Variants in AFAP1L2 observed in about 807,000 individuals in gnomAD.
The protein encoded by AFAP1L2 is actin filament-associated protein 1-like 2.
In AFAP1L2, 46 loss-of-function variants were observed where a neutral mutation model predicts 99.3. The observed-to-expected ratio is 0.46, with a 90% CI of 0.37 to 0.59. The LOEUF (loss-of-function observed/expected upper bound fraction) is 0.59, where lower values mean the gene tolerates loss of function less well. Ranked by LOEUF, AFAP1L2 falls within the 20% of genes least tolerant of loss-of-function variation. AFAP1L2 has a pLI of 0.00. For missense variants in AFAP1L2, 959 were observed against 1,034.9 expected, an observed-to-expected ratio of 0.93 and a Z score of 1.01; for synonymous variants, 397 against 419.1, an observed-to-expected ratio of 0.95 and a Z score of 0.64.
At chr10:114,366,612 G>A (rs1346424833) in intron 1 of AFAP1L2, among the ~76,000 whole-genome samples, 1 of 152,206 alleles carries the variant, frequency 6.6e-6, no homozygotes, top group East Asian at 1.9e-4. Flanking sequence ...ATTCTTATCT[G>A]ATAAGAAGAA....
At chr10:114,360,521 A>ATAGATAGATAGT (rs1554937765) in intron 1 of AFAP1L2, among the ~76,000 whole-genome samples, 77 of 145,894 alleles carry the variant, frequency 5.3e-4, no homozygotes, top group East Asian at 1.6e-3. Context: ...AGATAGATAG[A>ATAGATAGATAGT]TAGATAGATA....
chr10:114,330,474 T>A (rs1468716252), intron 4 of AFAP1L2, among the ~76,000 whole-genome samples: 1 of 152,204 alleles, frequency 6.6e-6, no homozygotes, highest in East Asian at 1.9e-4. Flanking sequence ...CTGTGTGACA[T>A]TAGGTTTCCT....
At chr10:114,372,938 C>T (rs1285931263) in intron 1 of AFAP1L2, among the ~76,000 whole-genome samples, 1 of 152,256 alleles carries the variant, frequency 6.6e-6, no homozygotes, top group African/African-American at 2.4e-5. Context: ...TTGGAGGCAA[C>T]AGACAGCTGT....
At chr10:114,380,055 T>C (rs2055401198) in intron 1 of AFAP1L2, among the ~76,000 whole-genome samples, 2 of 152,234 alleles carry the variant, frequency 1.3e-5, no homozygotes, top group Admixed American at 6.5e-5. Flanking sequence ...GAAGAGAATA[T>C]AGCCAAAGTC....
the AFAP1L2 span, among the ~76,000 whole-genome samples, chr10:114,287,755 A>G: frequency 6.6e-6 from 1 of 152,216 alleles, no homozygotes; most frequent in Non-Finnish European, 1.5e-5. Flanking sequence ...AGAGTTCCCT[A>G]TACCCCACAC....
intron 1 of AFAP1L2, among the ~76,000 whole-genome samples, chr10:114,380,823 T>C (rs2055511061): frequency 6.6e-6 from 1 of 152,266 alleles, no homozygotes; most frequent in South Asian, 2.1e-4. Context: ...GGAAGAATTT[T>C]AGGTGGTTCA....
intron 11 of AFAP1L2, 39 bp from the exon 12 acceptor site, chr10:114,302,523 A>AGTGCTGCCTGGTGCCAGCCC: frequency 6.2e-7 from 1 of 1,611,846 alleles, no homozygotes; most frequent in Non-Finnish European, 8.5e-7. Context: ...AGGGCCAGGC[A>AGTGCTGCCTGGTGCCAGCCC]GTGCTGCCTG....
chr10:114,359,458 T>C (rs1250507854), intron 1 of AFAP1L2, among the ~76,000 whole-genome samples: 1 of 152,194 alleles, frequency 6.6e-6, no homozygotes. Flanking sequence ...CGAAGGAGGC[T>C]GAAGGAACAT....
At chr10:114,364,443 G>A (rs2052908570) in intron 1 of AFAP1L2, among the ~76,000 whole-genome samples, 3 of 152,150 alleles carry the variant, frequency 2.0e-5, no homozygotes, top group African/African-American at 7.2e-5. Context: ...CCTGGAGTTT[G>A]CTGGTCATCC....
At chr10:114,379,049 A>G (rs988165421) in intron 1 of AFAP1L2, among the ~76,000 whole-genome samples, 1 of 113,492 alleles carries the variant, frequency 8.8e-6, no homozygotes, top group African/African-American at 2.6e-5. Flanking sequence ...CGTCCCTACT[A>G]AAAATACAAA....
In AFAP1L2 at chr10:114,377,384, C is replaced by G. The variant is rs112986003; in HGVS notation, c.16+27056G>C. ...GAAACTAGATGACTTTGGGTCAAGT[C>G]TGATCAAAGACAGTGAGGTGCTTCT... is the stretch of plus-strand genomic sequence containing the variant. On this transcript the variant is annotated intron_variant, in intron 1 of 18. Transcript: ENST00000304129. The surrounding 1 kb of genome is among the most constrained non-coding windows in gnomAD (Gnocchi z 4.0). Among the ~76,000 whole-genome samples, 1,853 of 152,314 alleles carry G rather than the reference C, an allele frequency of 0.012. 47 individuals are homozygous for G. The highest frequency in any genetic ancestry group is 0.042 in the African/African-American group (1,752 of 41,566).
chr10:114,349,618 A>C (rs1238009168), intron 1 of AFAP1L2, among the ~76,000 whole-genome samples: 1 of 151,168 alleles, frequency 6.6e-6, no homozygotes, highest in Non-Finnish European at 1.5e-5. Context: ...CAAGATATCT[A>C]TATGTTTACA....
chr10:114,307,355 G>C (rs575270603), intron 10 of AFAP1L2, among the ~76,000 whole-genome samples: 3 of 152,092 alleles, frequency 2.0e-5, no homozygotes, highest in Admixed American at 2.0e-4. Flanking sequence ...GGCAAGAAAA[G>C]TTCTCTCTGT....
intron 1 of AFAP1L2, among the ~76,000 whole-genome samples, chr10:114,369,581 C>T (rs1408167378): frequency 1.6e-5 from 2 of 126,884 alleles, no homozygotes; most frequent in Admixed American, 9.4e-5. Flanking sequence ...GGCCACAGAG[C>T]GAGACTCCGA....
chr10:114,393,885 C>T lies in AFAP1L2; in HGVS notation c.16+10555G>A, dbSNP rs191250600. 3.0e-3 allele frequency among the ~76,000 whole-genome samples: 453 copies of T among 152,346 alleles called. 3 individuals carry two copies. The highest frequency in any genetic ancestry group is 0.01 in the African/African-American group (425 of 41,586). ...AAAAATTATTTTAGTCAACGTTGAG[C>T]CTTCATGCTTGGAACTTTTATCCAA... On this transcript the variant is annotated intron_variant, in intron 1 of 18. Coordinates refer to ENST00000304129, the MANE Select transcript of AFAP1L2 (RefSeq NM_001001936.3).
At chr10:114,376,776 T>A (rs933002742) in intron 1 of AFAP1L2, among the ~76,000 whole-genome samples, 2 of 152,116 alleles carry the variant, frequency 1.3e-5, no homozygotes, top group Non-Finnish European at 2.9e-5. Flanking sequence ...ACTCACAATT[T>A]CAACACTATC....
At chr10:114,331,966 G>T (rs2047305155) in intron 3 of AFAP1L2, 69 bp from the exon 4 acceptor site, 1 of 1,051,816 alleles carries the variant, frequency 9.5e-7, no homozygotes, top group African/African-American at 1.7e-5. Flanking sequence ...CCTTCCTCAG[G>T]AATGCCCGGT....
chr10:114,367,026 G>A (rs1008360014), intron 1 of AFAP1L2, among the ~76,000 whole-genome samples: 2 of 152,160 alleles, frequency 1.3e-5, no homozygotes, highest in African/African-American at 4.8e-5. Context: ...TCCTCCATGT[G>A]TTTTCATATT....
chr10:114,362,541 G>A (rs2052583108), intron 1 of AFAP1L2, among the ~76,000 whole-genome samples: 1 of 152,198 alleles, frequency 6.6e-6, no homozygotes, highest in African/African-American at 2.4e-5. Flanking sequence ...AAGAGGCAAG[G>A]AAGGATAGTT....
Sources: gnomAD v4.1 joint callset for allele counts (sites outside exome capture counted in the v4.1 genomes callset) on GRCh38, gnomAD v4.1.1 for gene constraint, Gnocchi (gnomAD v3.1) non-coding constraint, MANE v1.5 for transcripts, NCBI Gene and HGNC (gene_info 2026-07-23, HGNC 2026-07-21) for gene names.